COL3A1: variants seen among roughly 807,000 people sequenced by gnomAD.
COL3A1 encodes collagen alpha-1(III) chain.
Under a neutral mutation model 200.9 loss-of-function variants are expected in COL3A1, and 46 were observed. The ratio of observed to expected loss-of-function variants is 0.23; its 90% CI spans 0.18 to 0.29. COL3A1 has a LOEUF of 0.29. Ranked by LOEUF, COL3A1 falls within the 10% of genes least tolerant of loss-of-function variation. The pLI is 1.00. For missense variants in COL3A1, 1,367 were observed against 1,917.6 expected (o/e 0.71, Z 5.36); for synonymous variants, 650 against 628.0 (o/e 1.03, Z -0.52).
rs41265547 is a variant in COL3A1 at position 189,008,165 on chromosome 2, G to C, written c.3525+23G>C. ...GAGGTAAGACATCACTTATACGTAT[G>C]TGTATTTAATTTGCTACAATCTTCC... On this transcript the variant is annotated intron_variant, in intron 47 of 50. Coordinates refer to ENST00000304636, the MANE Select transcript of COL3A1 (RefSeq NM_000090.4). 0.019 allele frequency: 30,294 copies of C among 1,579,000 alleles called. 1,761 individuals are homozygous for C. In the African/African-American group the frequency reaches 0.21, roughly 11 times the overall value.
intron 1 of COL3A1, among the ~76,000 whole-genome samples, chr2:188,980,337 C>CTA (rs1440515476): frequency 6.7e-6 from 1 of 149,396 alleles, no homozygotes; most frequent in Non-Finnish European, 1.5e-5. Flanking sequence ...ACTTAAAGGA[C>CTA]ATTTCTAAGG....
chr2:189,011,029 C>T (rs1688713741), intron 50 of COL3A1, 139 bp downstream of exon 50: 1 of 1,113,828 alleles, frequency 9.0e-7, no homozygotes, highest in South Asian at 1.4e-5. Flanking sequence ...TACATTGCAT[C>T]TACTGATTCA....
At chr2:189,009,898 G>T (rs1224650130) in intron 48 of COL3A1, among the ~76,000 whole-genome samples, 1 of 152,036 alleles carries the variant, frequency 6.6e-6, no homozygotes, top group African/African-American at 2.4e-5. Flanking sequence ...TTTTTTAAAG[G>T]AGAGACTTTT....
At chr2:189,001,623 A>C in intron 34 of COL3A1, 34 bp downstream of exon 34, 1 of 1,612,244 alleles carries the variant, frequency 6.2e-7, no homozygotes, top group Non-Finnish European at 8.5e-7. Flanking sequence ...CATACTTTTT[A>C]ACCCCATACA....
chr2:189,007,952 A>C lies in COL3A1; in HGVS notation c.3417+14A>C. 1 of 1,614,164 alleles carries C rather than the reference A, an allele frequency of 6.2e-7. No individual in the cohort carries two copies. The highest frequency in any genetic ancestry group is 8.5e-7 in the Non-Finnish European group (1 of 1,180,024). Reference sequence around the variant, plus strand: ...GCAGGCCCCAGAGTAAGTAGCACAGAAAGATATTACAGGTCCACATGTTTC... The same window carrying C: ...GCAGGCCCCAGAGTAAGTAGCACAGCAAGATATTACAGGTCCACATGTTTC... On this transcript the variant is annotated intron_variant, in intron 46 of 50. Coordinates refer to ENST00000304636, the MANE Select transcript of COL3A1 (RefSeq NM_000090.4).
intron 14 of COL3A1, 120 bp downstream of exon 14, chr2:188,992,348 T>A: frequency 1.2e-6 from 1 of 838,770 alleles, no homozygotes; most frequent in Non-Finnish European, 1.9e-6. Context: ...TGTATATCTC[T>A]AATATACACA....
intron 1 of COL3A1, among the ~76,000 whole-genome samples, chr2:188,977,313 A>G (rs1687841925): frequency 6.6e-6 from 1 of 152,146 alleles, no homozygotes. Flanking sequence ...ATATTTTGCT[A>G]CAGTGATAAT....
chr2:188,999,677 A>C, intron 31 of COL3A1, 100 bp downstream of exon 31: 1 of 1,424,650 alleles, frequency 7.0e-7, no homozygotes, highest in South Asian at 1.2e-5. Context: ...TTTCAAAATT[A>C]ATGTTATCAT....
chr2:189,009,296 A>G (rs1688668697), intron 48 of COL3A1, 75 bp downstream of exon 48: 1 of 1,543,324 alleles, frequency 6.5e-7, no homozygotes, highest in Middle Eastern at 1.7e-4. Context: ...TGGGAACGAA[A>G]AAACATCTAC....
rs527666033 is a variant in COL3A1 at position 189,011,555 on chromosome 2, T to G, written c.4255-73T>G. 22 of 1,589,568 alleles carry G rather than the reference T, an allele frequency of 1.4e-5. No homozygotes were observed. The African/African-American group carries it at 2.4e-4, about 17-fold the overall frequency. ...GCTTCTTTAGAGTAAAAAGGTTTTCTTTAACTTGTTAAGTCAGAGTTGTCT... is the reference window on the plus strand; with the variant it reads ...GCTTCTTTAGAGTAAAAAGGTTTTCGTTAACTTGTTAAGTCAGAGTTGTCT... On this transcript the variant is annotated intron_variant, in intron 50 of 50. Transcript: ENST00000304636.
chr2:188,998,619 A>G (rs1688382951), intron 28 of COL3A1, 55 bp from the exon 29 acceptor site: 8 of 1,540,094 alleles, frequency 5.2e-6, no homozygotes, highest in Non-Finnish European at 7.2e-6. Flanking sequence ...ATTTGCTTAT[A>G]TTTACATAAA....
In COL3A1 at chr2:188,983,022, C is replaced by T. The variant is rs182683150; in HGVS notation, c.80-1738C>T. ...TTGCTCTTCTATTAAATATATTTTCCGTAACACCATTCAAATAGGCCTACT... is the reference window on the plus strand; with the variant it reads ...TTGCTCTTCTATTAAATATATTTTCTGTAACACCATTCAAATAGGCCTACT... On this transcript the variant is annotated intron_variant, in intron 1 of 50. Transcript: ENST00000304636. Among the ~76,000 whole-genome samples the T allele has an allele frequency of 7.9e-5, 12 of 151,848 alleles. No individual in the cohort carries two copies. In the East Asian group the frequency reaches 1.7e-3, roughly 22 times the overall value.
In COL3A1 at chr2:189,006,384, G is replaced by A. The variant is rs149722210; in HGVS notation, c.3133G>A (p.Ala1045Thr). 459 of 1,614,126 alleles carry A rather than the reference G, an allele frequency of 2.8e-4. 1 individual carries two copies. In the East Asian group the frequency reaches 5.0e-3, roughly 18 times the overall value. Residue 1045 changes from alanine to threonine, a missense_variant, in exon 43 of 51, where the codon GCT becomes ACT. Physicochemically the swap from Ala to Thr is moderately conservative, Grantham distance 58. Transcript: ENST00000304636. ...AAATGGCTCTCCTGGTGCCCCTGGCGCTCCTGGTCATCCAGGCCCACCTGG... is the reference window on the plus strand; with the variant it reads ...AAATGGCTCTCCTGGTGCCCCTGGCACTCCTGGTCATCCAGGCCCACCTGG... ...GENGSPGAPG[A>T]PGHPGPPGPV...
At chr2:188,976,308 A>G (rs1163289941) in intron 1 of COL3A1, among the ~76,000 whole-genome samples, 1 of 152,120 alleles carries the variant, frequency 6.6e-6, no homozygotes, top group African/African-American at 2.4e-5. Context: ...TGCCACTTAC[A>G]GTACCTTGAC....
chr2:188,999,640 A>T, intron 31 of COL3A1, 63 bp downstream of exon 31: 8 of 1,544,150 alleles, frequency 5.2e-6, no homozygotes, highest in Non-Finnish European at 7.1e-6. Context: ...AAAAAAAGCA[A>T]CACTCCTGGA....
intron 49 of COL3A1, 58 bp downstream of exon 49, chr2:189,010,423 C>T (rs1688696241): frequency 1.3e-6 from 2 of 1,591,652 alleles, no homozygotes; most frequent in Non-Finnish European, 1.7e-6. Context: ...TGTATTCTTC[C>T]TATATGTTCA....
At chr2:188,989,373 A>C in intron 7 of COL3A1, 23 bp from the exon 8 acceptor site, 23 of 1,556,708 alleles carry the variant, frequency 1.5e-5, no homozygotes, top group Non-Finnish European at 1.9e-5. Flanking sequence ...AAATCTATTC[A>C]TTTTTTATTT....
intron 1 of COL3A1, among the ~76,000 whole-genome samples, chr2:188,976,147 AT>A (rs1476532737): frequency 1.3e-5 from 2 of 151,930 alleles, no homozygotes; most frequent in East Asian, 1.9e-4. Context: ...AATGACTACT[AT>A]CCCCCACCAA....
Position 188,988,076 on chromosome 2 carries a change from T to C in COL3A1, c.529-5T>C, listed in dbSNP as rs886055329. The C allele has an allele frequency of 6.2e-7, 1 of 1,608,494 alleles. No homozygotes were observed. The highest frequency in any genetic ancestry group is 1.1e-5 in the South Asian group (1 of 90,980). ...TTTTGTTTTTCATTCAAATTCACAT[T>C]CCAGGGCCCCCCAGGCCCTCCCGGT... On this transcript the variant is annotated splice_polypyrimidine_tract_variant and splice_region_variant and intron_variant, in intron 5 of 50. Coordinates refer to ENST00000304636, the MANE Select transcript of COL3A1 (RefSeq NM_000090.4).
Sources: allele counts gnomAD v4.1 joint callset (sites outside exome capture counted in the v4.1 genomes callset), GRCh38; gene constraint gnomAD v4.1.1; transcripts MANE v1.5; gene names NCBI Gene and HGNC (gene_info 2026-07-23, HGNC 2026-07-21).